The following MAP3K2 variants were observed in gnomAD, a reference collection of about 807,000 sequenced individuals.
MAP3K2 encodes MAP/ERK kinase kinase 2.
Under a neutral mutation model 80.3 loss-of-function variants are expected in MAP3K2, and 24 were observed. The observed-to-expected ratio is 0.30, with a 90% CI of 0.22 to 0.42. MAP3K2 has a LOEUF of 0.42. MAP3K2 is among the 10% of genes least tolerant of loss of function. The pLI is 1.00. For synonymous variants in MAP3K2, 244 were observed against 253.7 expected (o/e 0.96, Z 0.36); for missense variants, 608 against 750.1 (o/e 0.81, Z 2.21).
rs745645635 is a variant in MAP3K2 at position 127,326,621 on chromosome 2, G to C, written c.597+66C>G. 6.4e-4 allele frequency: 802 copies of C among 1,262,232 alleles called. 2 individuals carry two copies. Among genetic ancestry groups the C allele is most frequent in the Non-Finnish European group, 7.9e-4 (745 of 947,496 alleles). 78.2% of individuals were successfully genotyped at this position (1,262,232 alleles called of 1,614,324 possible). A position where few individuals can be genotyped will look rare whatever the true frequency, so the allele number is the denominator to read the frequency against. On this transcript the variant is annotated intron_variant, in intron 8 of 16. Transcript: ENST00000682094. ...AATACACACACACACCCAGTTACGT[G>C]CCAAATCACACTGACCCTGACAACA...
chr2:127,329,892 A>C, intron 7 of MAP3K2, 29 bp downstream of exon 7: 1 of 1,245,370 alleles, frequency 8.0e-7, no homozygotes. Flanking sequence ...GAAATCATTC[A>C]TTTCATAATT....
intron 1 of MAP3K2, among the ~76,000 whole-genome samples, chr2:127,345,980 C>T (rs1686589114): frequency 6.6e-6 from 1 of 150,776 alleles, no homozygotes; most frequent in African/African-American, 2.4e-5. Flanking sequence ...CTGAAACAAG[C>T]TAAAGGAATA....
chr2:127,336,814 A>C (rs1465287675), intron 4 of MAP3K2, among the ~76,000 whole-genome samples: 1 of 152,238 alleles, frequency 6.6e-6, no homozygotes, highest in Non-Finnish European at 1.5e-5. Context: ...TTTTCACTAC[A>C]TTAATTTCAT....
At chr2:127,345,246 CACT>C (rs1558983310) in intron 1 of MAP3K2, among the ~76,000 whole-genome samples, 1 of 152,000 alleles carries the variant, frequency 6.6e-6, no homozygotes, top group African/African-American at 2.4e-5. Flanking sequence ...GTGGCTACAC[CACT>C]ATCAGGCAAA....
intron 1 of MAP3K2, among the ~76,000 whole-genome samples, chr2:127,375,091 G>A (rs1687126796): frequency 6.6e-6 from 1 of 152,196 alleles, no homozygotes; most frequent in African/African-American, 2.4e-5. Context: ...AAACAGTAAT[G>A]TATGGTATGG....
intron 1 of MAP3K2, among the ~76,000 whole-genome samples, chr2:127,365,553 G>GTA (rs1686958899): frequency 6.6e-6 from 1 of 152,186 alleles, no homozygotes; most frequent in African/African-American, 2.4e-5. Context: ...CCTCTGCTCT[G>GTA]TATACAGCTC....
At chr2:127,368,756 AT>A (rs1687014308) in intron 1 of MAP3K2, among the ~76,000 whole-genome samples, 1 of 152,140 alleles carries the variant, frequency 6.6e-6, no homozygotes, top group Non-Finnish European at 1.5e-5. Flanking sequence ...AATAGTTGTT[AT>A]AAGTTATTTT....
At position 127,337,768 on chromosome 2, in the gene MAP3K2, C is replaced by T. The variant is rs376419068; in HGVS notation, c.134G>A (p.Arg45Gln). The change falls in exon 4 of 17, where the codon CGA (arginine) becomes CAA (glutamine). Residue 45 changes from arginine to glutamine, a missense_variant. By Grantham distance (43) the Arg-to-Gln change is conservative. Around this residue, in one of 4 missense-constraint regions of MAP3K2, gnomAD observed 467 missense variants for 521.9 expected, o/e 0.89. Coordinates refer to ENST00000682094, the MANE Select transcript of MAP3K2 (RefSeq NM_001371910.2). ...SSSPKKQNDV[R>Q]VKFEHRGEKR... is the part of the protein sequence containing the mutation. ...TTCTCCTCTATGTTCAAATTTGACT[C>T]GGACATCATTCTGTAATGAAATGAC... The T allele has an allele frequency of 4.6e-5, 70 of 1,525,496 alleles. No homozygotes were observed. Among genetic ancestry groups the T allele is most frequent in the Non-Finnish European group, 5.9e-5 (66 of 1,125,314 alleles). The allele number at this position is 1,525,496 out of a possible 1,614,324, so 94.5% of individuals were successfully genotyped here.
At chr2:127,357,015 G>A (rs1298432266) in intron 1 of MAP3K2, among the ~76,000 whole-genome samples, 2 of 152,070 alleles carry the variant, frequency 1.3e-5, no homozygotes, top group Non-Finnish European at 2.9e-5. Flanking sequence ...AAGGAATTCA[G>A]ACAACTTCAC....
intron 11 of MAP3K2, 35 bp downstream of exon 11, chr2:127,323,867 T>A (rs1686075957): frequency 2.9e-6 from 3 of 1,052,116 alleles, no homozygotes; most frequent in East Asian, 2.6e-5. Context: ...TGAGATTTTT[T>A]AACTATTCTT....
chr2:127,367,134 A>G (rs1216908487), intron 1 of MAP3K2, among the ~76,000 whole-genome samples: 8 of 152,186 alleles, frequency 5.3e-5, no homozygotes, highest in African/African-American at 1.9e-4. Flanking sequence ...ATGAAGAGAC[A>G]TAACAGCTTG....
chr2:127,317,916 TTGA>T (rs1432898859), intron 13 of MAP3K2, among the ~76,000 whole-genome samples, 156 bp from the exon 14 acceptor site: 1 of 152,160 alleles, frequency 6.6e-6, no homozygotes, highest in Non-Finnish European at 1.5e-5. Flanking sequence ...TAAACAGTCC[TTGA>T]TGATATGCTA....
chr2:127,325,133 C>G (rs1256945766), intron 9 of MAP3K2, among the ~76,000 whole-genome samples: 5 of 152,150 alleles, frequency 3.3e-5, no homozygotes, highest in Admixed American at 3.3e-4. Flanking sequence ...TACATAAATT[C>G]TAAATTTGAT....
At chr2:127,357,703 A>G (rs1686819655) in intron 1 of MAP3K2, among the ~76,000 whole-genome samples, 1 of 152,106 alleles carries the variant, frequency 6.6e-6, no homozygotes, top group Non-Finnish European at 1.5e-5. Flanking sequence ...TGACCAGTTA[A>G]TTTTTTTTAA....
intron 1 of MAP3K2, among the ~76,000 whole-genome samples, chr2:127,368,466 C>T (rs1216205772): frequency 6.6e-6 from 1 of 151,520 alleles, no homozygotes; most frequent in African/African-American, 2.4e-5. Context: ...ACTAAAAATA[C>T]AAAAAATTAG....
At chr2:127,359,375 AT>A (rs1686847887) in intron 1 of MAP3K2, among the ~76,000 whole-genome samples, 1 of 152,232 alleles carries the variant, frequency 6.6e-6, no homozygotes, top group Non-Finnish European at 1.5e-5. Context: ...GCTCAAAAAA[AT>A]AAACTTCCCT....
intron 1 of MAP3K2, among the ~76,000 whole-genome samples, chr2:127,381,099 T>G (rs1309307490): frequency 6.6e-6 from 1 of 152,192 alleles, no homozygotes; most frequent in African/African-American, 2.4e-5. Context: ...ACTCCTGGGC[T>G]AAAGGGATTC....
chr2:127,329,867 T>G (rs1371773736), intron 7 of MAP3K2, 54 bp downstream of exon 7: 23 of 989,260 alleles, frequency 2.3e-5, no homozygotes, highest in Non-Finnish European at 3.4e-5. Flanking sequence ...CATTAAAGGA[T>G]GGAGAAGAAA....
In MAP3K2 at chr2:127,302,866, C is replaced by G. The variant is rs2104796613; in HGVS notation, c.*4713G>C. 1 of 152,100 alleles carries G rather than the reference C, an allele frequency of 6.6e-6. No individual in the cohort carries two copies. The highest frequency in any genetic ancestry group is 2.1e-4 in the South Asian group (1 of 4,824). 9.4% of individuals were successfully genotyped at this position (152,100 alleles called of 1,614,324 possible). On this transcript the variant is annotated 3_prime_UTR_variant, in exon 17 of 17. Transcript: ENST00000682094. ...ATCACAGACAAATCCTAATGTTTCT[C>G]TCCTAACATTTATTTATTTATTTAT...
Sources: allele counts gnomAD v4.1 joint callset (sites outside exome capture counted in the v4.1 genomes callset), GRCh38; gene constraint gnomAD v4.1.1; regional missense constraint gnomAD v4.1.1; transcripts MANE v1.5; gene names NCBI Gene and HGNC (gene_info 2026-07-23, HGNC 2026-07-21).